The following MAN1C1 variants were observed in gnomAD, a reference collection of about 807,000 sequenced individuals.
MAN1C1 encodes mannosyl-oligosaccharide 1,2-alpha-mannosidase IC.
Under a neutral mutation model 71.5 loss-of-function variants are expected in MAN1C1, and 49 were observed. The ratio of observed to expected loss-of-function variants is 0.69; its 90% CI spans 0.54 to 0.87. The LOEUF is 0.87. Among genes scored for constraint, MAN1C1 ranks in the 40% least tolerant of loss-of-function variants. MAN1C1 has a pLI of 0.00. For missense variants in MAN1C1, 743 were observed against 835.0 expected (o/e 0.89, Z 1.36); for synonymous variants, 352 against 343.7 (o/e 1.02, Z -0.27).
At chr1:25,718,377 G>A (rs2046712579) in intron 2 of MAN1C1, among the ~76,000 whole-genome samples, 1 of 152,166 alleles carries the variant, frequency 6.6e-6, no homozygotes, top group African/African-American at 2.4e-5. Flanking sequence ...CTCTCTGCCT[G>A]CTGCACAGCT....
In MAN1C1 at chr1:25,746,592, G is replaced by C. The variant is rs1350328357; in HGVS notation, c.638-76G>C. ...CCTGCGCTGGCATTGGAGGGGCCCT[G>C]AGAACGGTGGCTTGTCCAGTTGGGG... On this transcript the variant is annotated intron_variant, in intron 2 of 11. Coordinates refer to ENST00000374332, the MANE Select transcript of MAN1C1 (RefSeq NM_020379.4). This position sits in a 1 kb window ranked among gnomAD's most constrained non-coding sequence, Gnocchi z 4.0. 5 of 1,186,250 alleles carry C rather than the reference G, an allele frequency of 4.2e-6. No individual in the cohort carries two copies. Among genetic ancestry groups the C allele is most frequent in the Non-Finnish European group, 6.2e-6 (5 of 809,904 alleles). 73.5% of individuals were successfully genotyped at this position (1,186,250 alleles called of 1,614,324 possible).
intron 2 of MAN1C1, among the ~76,000 whole-genome samples, chr1:25,694,180 C>A (rs2046341714): frequency 6.6e-6 from 1 of 152,160 alleles, no homozygotes; most frequent in African/African-American, 2.4e-5. Context: ...TTCTCTATTC[C>A]TCTCATCCCC....
intron 2 of MAN1C1, among the ~76,000 whole-genome samples, chr1:25,704,332 G>A (rs1326924485): frequency 3.9e-5 from 6 of 152,198 alleles, no homozygotes; most frequent in Non-Finnish European, 7.3e-5. Context: ...CTGCCTCCAA[G>A]CCAGCCTGGG....
At chr1:25,627,065 G>A (rs2045305638) in intron 1 of MAN1C1, among the ~76,000 whole-genome samples, 3 of 152,090 alleles carry the variant, frequency 2.0e-5, no homozygotes, top group African/African-American at 7.2e-5. Flanking sequence ...ATAATGTAAG[G>A]TAGGAGTTAA....
chr1:25,651,588 A>C (rs757740585), intron 1 of MAN1C1, among the ~76,000 whole-genome samples: 1 of 152,170 alleles, frequency 6.6e-6, no homozygotes, highest in Admixed American at 6.5e-5. Context: ...TCCTTTTCTT[A>C]GAGGAAAATG....
chr1:25,683,740 G>T (rs2046188503), intron 1 of MAN1C1, among the ~76,000 whole-genome samples: 1 of 152,134 alleles, frequency 6.6e-6, no homozygotes, highest in East Asian at 1.9e-4. Flanking sequence ...GCTTGCTTAG[G>T]GTGTGTTAGG....
rs1244180811 is a variant in MAN1C1, at chr1:25,775,171, C to A, written c.1258-2934C>A. ...AGTGTTGACAACTGGTGACTCGGAC[C>A]CAGGTTTCTGAGCCCTGACACTCCT... On this transcript the variant is annotated intron_variant, in intron 8 of 11. Transcript: ENST00000374332. This position sits in a 1 kb window ranked among gnomAD's most constrained non-coding sequence, Gnocchi z 5.1. Among the ~76,000 whole-genome samples the A allele has an allele frequency of 1.3e-5, 2 of 152,168 alleles. No homozygotes were observed. The highest frequency in any genetic ancestry group is 3.9e-4 in the East Asian group (2 of 5,188).
chr1:25,707,786 GCAAA>G (rs2046544279), intron 2 of MAN1C1, among the ~76,000 whole-genome samples: 2 of 152,218 alleles, frequency 1.3e-5, no homozygotes, highest in Admixed American at 1.3e-4. Flanking sequence ...GAAGACAGCT[GCAAA>G]CAGTTAAGAT....
chr1:25,765,053 A>AG (rs1335511544), intron 7 of MAN1C1, among the ~76,000 whole-genome samples: 1 of 152,140 alleles, frequency 6.6e-6, no homozygotes, highest in Admixed American at 6.5e-5. Flanking sequence ...GTCCCAAAAA[A>AG]AAACAAAAGA....
intron 2 of MAN1C1, among the ~76,000 whole-genome samples, chr1:25,700,021 A>T (rs895471117): frequency 6.6e-6 from 1 of 152,252 alleles, no homozygotes; most frequent in Non-Finnish European, 1.5e-5. Context: ...GGAGGAAGAC[A>T]AAGAGCCCCG....
At chr1:25,762,983 C>CT (rs2047380089) in intron 6 of MAN1C1, among the ~76,000 whole-genome samples, 1 of 151,934 alleles carries the variant, frequency 6.6e-6, no homozygotes, top group Admixed American at 6.6e-5. Flanking sequence ...AGAACCCTCC[C>CT]TAGGCCAGGC....
rs775776212 is a variant in MAN1C1, at chr1:25,733,894, T to G, written c.638-12774T>G. On this transcript the variant is annotated intron_variant, in intron 2 of 11. Coordinates refer to ENST00000374332, the MANE Select transcript of MAN1C1 (RefSeq NM_020379.4). Reference sequence around the variant, plus strand: ...GGCTTGCTGCAAGCTCCGCCTCCCGTGCTCACGCCATTCTCCTGCCTCTGC... The same window carrying G: ...GGCTTGCTGCAAGCTCCGCCTCCCGGGCTCACGCCATTCTCCTGCCTCTGC... Among the ~76,000 whole-genome samples, 276 of 151,442 alleles carry G rather than the reference T, an allele frequency of 1.8e-3. 3 individuals are homozygous for G. The highest frequency in any genetic ancestry group is 6.3e-3 in the South Asian group (30 of 4,778).
intron 1 of MAN1C1, among the ~76,000 whole-genome samples, chr1:25,619,461 T>C (rs1341390049): frequency 6.6e-6 from 1 of 152,228 alleles, no homozygotes; most frequent in Non-Finnish European, 1.5e-5. Context: ...TCAGAGCCGA[T>C]GGAGGGCTTA....
chr1:25,780,191 G>A (rs903508707), intron 9 of MAN1C1, among the ~76,000 whole-genome samples: 1 of 152,320 alleles, frequency 6.6e-6, no homozygotes, highest in South Asian at 2.1e-4. Context: ...TAGAAATAGT[G>A]TATTAAAGCA....
Position 25,667,449 on chromosome 1 carries a change from C to T in MAN1C1, c.541-18991C>T, listed in dbSNP as rs371769533. ...ACAGTGAACCAAGATGGGGCCACTG[C>T]ACTCCACCCTGGGCGATGGAGTGAG... On this transcript the variant is annotated intron_variant, in intron 1 of 11. Coordinates refer to ENST00000374332, the MANE Select transcript of MAN1C1 (RefSeq NM_020379.4). 4.2e-5 allele frequency among the ~76,000 whole-genome samples: 6 copies of T among 142,390 alleles called. No homozygotes were observed. The East Asian group carries it at 6.1e-4, about 15-fold the overall frequency. 93.4% of individuals were successfully genotyped at this position (142,390 alleles called of 152,430 possible). A position where few individuals can be genotyped will look rare whatever the true frequency, so the allele number is the denominator to read the frequency against.
chr1:25,630,795 T>C (rs192666172), intron 1 of MAN1C1, among the ~76,000 whole-genome samples: 1 of 152,328 alleles, frequency 6.6e-6, no homozygotes, highest in East Asian at 1.9e-4. Flanking sequence ...TTATCAAATC[T>C]AAGAGTCTTT....
chr1:25,670,915 C>T (rs964932417), intron 1 of MAN1C1, among the ~76,000 whole-genome samples: 12 of 152,184 alleles, frequency 7.9e-5, no homozygotes, highest in African/African-American at 2.9e-4. Context: ...CTTACTCTGT[C>T]ACCCAGGCTG....
chr1:25,691,115 G>A (rs939704954), intron 2 of MAN1C1, among the ~76,000 whole-genome samples: 2 of 152,150 alleles, frequency 1.3e-5, no homozygotes, highest in African/African-American at 4.8e-5. Flanking sequence ...TCAGGAGTTC[G>A]AGACAAGCCT....
intron 6 of MAN1C1, among the ~76,000 whole-genome samples, chr1:25,762,721 C>G (rs1013458757): frequency 1.3e-5 from 2 of 152,120 alleles, no homozygotes; most frequent in African/African-American, 4.8e-5. Flanking sequence ...AGCCACCATG[C>G]CTGGCTATAC....
Sources: gnomAD v4.1 joint callset for allele counts (sites outside exome capture counted in the v4.1 genomes callset) on GRCh38, gnomAD v4.1.1 for gene constraint, Gnocchi (gnomAD v3.1) non-coding constraint, MANE v1.5 for transcripts, NCBI Gene and HGNC (gene_info 2026-07-23, HGNC 2026-07-21) for gene names.